ARB2A: variants seen among roughly 807,000 people sequenced by gnomAD.
ARB2A encodes cotranscriptional regulator ARB2A.
At chr5:93,793,239 ATTTTTTT>A in the ARB2A span, among the ~76,000 whole-genome samples, 49 of 64,778 alleles carry the variant, frequency 7.6e-4, no homozygotes, top group South Asian at 2.5e-3. Flanking sequence ...CTTCTGGCTA[ATTTTTTT>A]TTTTTTTTTT....
chr5:93,797,034 G>A, the ARB2A span, among the ~76,000 whole-genome samples: 11 of 152,112 alleles, frequency 7.2e-5, no homozygotes, highest in African/African-American at 2.2e-4. Context: ...GCACTTCTGA[G>A]TTGATATACT....
chr5:94,051,284 G>C, the ARB2A span, among the ~76,000 whole-genome samples: 2 of 152,142 alleles, frequency 1.3e-5, no homozygotes, highest in Non-Finnish European at 2.9e-5. Context: ...AGACAATAAA[G>C]TCTAGAATGA....
the ARB2A span, among the ~76,000 whole-genome samples, chr5:94,084,574 G>A: frequency 2.3e-4 from 35 of 152,052 alleles, no homozygotes; most frequent in Non-Finnish European, 2.9e-4. Flanking sequence ...AAAGAGAATC[G>A]CCAAGAACTG....
At chr5:94,035,520 C>G in the ARB2A span, among the ~76,000 whole-genome samples, 1 of 151,976 alleles carries the variant, frequency 6.6e-6, no homozygotes, top group Non-Finnish European at 1.5e-5. Flanking sequence ...AACAGTAAAA[C>G]CAGTAAGTTA....
the ARB2A span, among the ~76,000 whole-genome samples, chr5:93,965,482 G>T: frequency 1.3e-5 from 2 of 151,982 alleles, no homozygotes; most frequent in Non-Finnish European, 2.9e-5. Context: ...GAATTGTTAA[G>T]ATAATAAATT....
the ARB2A span, among the ~76,000 whole-genome samples, chr5:93,907,938 A>G: frequency 1.2e-4 from 18 of 151,444 alleles, no homozygotes; most frequent in African/African-American, 4.1e-4. Context: ...CATTGAAAAT[A>G]CTTTTTGAGA....
At chr5:93,795,848 C>CAAAAAAAAAAAAA in the ARB2A span, among the ~76,000 whole-genome samples, 1 of 96,956 alleles carries the variant, frequency 1.0e-5, no homozygotes, top group Non-Finnish European at 2.2e-5. Flanking sequence ...TATTGAAAAG[C>CAAAAAAAAAAAAA]AAAAAAAAAA....
the ARB2A span, among the ~76,000 whole-genome samples, chr5:94,014,551 A>G: frequency 6.6e-6 from 1 of 152,162 alleles, no homozygotes; most frequent in Non-Finnish European, 1.5e-5. Flanking sequence ...CAAATCAAGG[A>G]ACTAGTGTCT....
chr5:94,009,542 T>C, the ARB2A span, among the ~76,000 whole-genome samples: 1 of 152,060 alleles, frequency 6.6e-6, no homozygotes, highest in Non-Finnish European at 1.5e-5. Flanking sequence ...AATAATACAT[T>C]ATTTTTTCTC....
At chr5:93,861,739 G>A in the ARB2A span, 1 of 152,124 alleles carries the variant, frequency 6.6e-6, no homozygotes, top group African/African-American at 2.4e-5. Context: ...AACATGCTCA[G>A]AGGCCATCGT....
the ARB2A span, among the ~76,000 whole-genome samples, chr5:94,103,798 A>C: frequency 7.2e-6 from 1 of 138,022 alleles, no homozygotes; most frequent in African/African-American, 3.3e-5. Context: ...ACAGATTCAA[A>C]AAAAAAAAAA....
the ARB2A span, among the ~76,000 whole-genome samples, chr5:93,811,264 T>C: frequency 6.6e-6 from 1 of 152,174 alleles, no homozygotes; most frequent in Admixed American, 6.6e-5. Context: ...TCAAGTGTTT[T>C]CAATTTTCCT....
the ARB2A span, among the ~76,000 whole-genome samples, chr5:93,675,825 T>G: frequency 6.6e-6 from 1 of 152,242 alleles, no homozygotes; most frequent in Non-Finnish European, 1.5e-5. Context: ...TCAGTGTCTC[T>G]AATTTTCTGA....
At chr5:93,825,354 GAGCTTC>G in the ARB2A span, among the ~76,000 whole-genome samples, 2 of 152,080 alleles carry the variant, frequency 1.3e-5, no homozygotes, top group Admixed American at 6.5e-5. Context: ...CAGCTGCTAT[GAGCTTC>G]ATCTTCAACA....
the ARB2A span, among the ~76,000 whole-genome samples, chr5:93,707,013 G>A: frequency 6.6e-6 from 1 of 152,232 alleles, no homozygotes; most frequent in South Asian, 2.1e-4. Flanking sequence ...ATATCCATGT[G>A]TGTTTGAGTA....
the ARB2A span, among the ~76,000 whole-genome samples, chr5:93,852,919 G>T: frequency 6.6e-6 from 1 of 152,134 alleles, no homozygotes; most frequent in Non-Finnish European, 1.5e-5. Context: ...TTTGGCTTAG[G>T]ACTGACTTGG....
chr5:93,826,478 A>T, the ARB2A span, among the ~76,000 whole-genome samples: 1 of 152,204 alleles, frequency 6.6e-6, no homozygotes, highest in African/African-American at 2.4e-5. Flanking sequence ...TGTATGTACC[A>T]CAGACATGTC....
At chr5:93,839,412 G>C in the ARB2A span, among the ~76,000 whole-genome samples, 1 of 152,094 alleles carries the variant, frequency 6.6e-6, no homozygotes, top group African/African-American at 2.4e-5. Flanking sequence ...TTAGCTTTTT[G>C]ATGTGCTGCT....
At chr5:93,756,726 C>T in the ARB2A span, among the ~76,000 whole-genome samples, 1 of 136,598 alleles carries the variant, frequency 7.3e-6, no homozygotes, top group African/African-American at 3.2e-5. Flanking sequence ...AAATGACAGC[C>T]TTCAAGCCCT....
Sources: gnomAD v4.1 joint callset for allele counts (sites outside exome capture counted in the v4.1 genomes callset) on GRCh38, gnomAD v4.1.1 for gene constraint, MANE v1.5 for transcripts, NCBI Gene and HGNC (gene_info 2026-07-23, HGNC 2026-07-21) for gene names.